The following DDX59 variants were observed in gnomAD, a reference collection of about 807,000 sequenced individuals.
The protein encoded by DDX59 is DEAD-box helicase 59, also known as probable ATP-dependent RNA helicase DDX59.
DDX59 carries 30 observed loss-of-function variants against 51.9 expected under a neutral mutation model. The ratio of observed to expected loss-of-function variants is 0.58; its 90% CI spans 0.43 to 0.78. The LOEUF (loss-of-function observed/expected upper bound fraction) is 0.78, where lower values mean the gene tolerates loss of function less well. Among genes scored for constraint, DDX59 ranks in the 30% least tolerant of loss-of-function variants. The pLI, the probability that DDX59 is intolerant of heterozygous loss-of-function variation, is 0.00. For missense variants in DDX59, 672 were observed against 730.8 expected, an observed-to-expected ratio of 0.92 and a Z score of 0.93; for synonymous variants, 255 against 253.3, an observed-to-expected ratio of 1.01 and a Z score of -0.06.
intron 7 of DDX59, among the ~76,000 whole-genome samples, chr1:200,647,185 A>G (rs1285178469): frequency 2.0e-5 from 3 of 152,230 alleles, no homozygotes; most frequent in Non-Finnish European, 4.4e-5. Flanking sequence ...CTTTACTTGA[A>G]GAGTTTGTAA....
At chr1:200,651,010 TATTA>T (rs2102860030) in intron 4 of DDX59, among the ~76,000 whole-genome samples, 1 of 152,134 alleles carries the variant, frequency 6.6e-6, no homozygotes, top group East Asian at 1.9e-4. Context: ...GAAAGCCCTT[TATTA>T]AATAATGAAT....
chr1:200,645,683 G>C (rs947488808), intron 7 of DDX59, among the ~76,000 whole-genome samples: 6 of 152,088 alleles, frequency 3.9e-5, no homozygotes, highest in African/African-American at 1.4e-4. Context: ...TCAAAAGAGG[G>C]GGAAAATACA....
At chr1:200,663,126 T>A (rs1254382565) in intron 3 of DDX59, among the ~76,000 whole-genome samples, 2 of 152,120 alleles carry the variant, frequency 1.3e-5, no homozygotes, top group African/African-American at 4.8e-5. Flanking sequence ...CTGGTACTGC[T>A]GCCCCAGCCC....
At position 200,668,798 on chromosome 1, in the gene DDX59, C is replaced by T. The variant is rs113641262; in HGVS notation, c.-12+969G>A. ...CTCTCTAAAGTCTATCTAAGAGCTT[C>T]CTCTGCACAATAAAACTTGGTCTCC... On this transcript the variant is annotated intron_variant, in intron 1 of 7. Transcript: ENST00000331314. Among the ~76,000 whole-genome samples the T allele has an allele frequency of 5.7e-3, 873 of 152,334 alleles. 7 individuals are homozygous for T. The highest frequency in any genetic ancestry group is 0.02 in the African/African-American group (829 of 41,564).
At chr1:200,651,731 G>A (rs774104219) in intron 4 of DDX59, among the ~76,000 whole-genome samples, 2 of 152,082 alleles carry the variant, frequency 1.3e-5, no homozygotes, top group Non-Finnish European at 2.9e-5. Flanking sequence ...GCTGCCAGCC[G>A]GGCACGGTGG....
intron 4 of DDX59, 25 bp from the exon 5 acceptor site, chr1:200,650,701 A>T: frequency 6.4e-7 from 1 of 1,560,696 alleles, no homozygotes. Flanking sequence ...TATTAAAGTT[A>T]GTCTTGTTTG....
At chr1:200,641,784 C>T (rs930266010), downstream of DDX59, among the ~76,000 whole-genome samples, 1 of 152,046 alleles carries the variant, frequency 6.6e-6, no homozygotes, top group African/African-American at 2.4e-5. Context: ...GTGGGTGGAT[C>T]ACTAGGTCAA....
At chr1:200,652,007 CAAAAA>C (rs71135375) in intron 4 of DDX59, among the ~76,000 whole-genome samples, 2 of 82,894 alleles carry the variant, frequency 2.4e-5, no homozygotes, top group Admixed American at 1.2e-4. Context: ...GCCTCCGTCT[CAAAAA>C]AAAAAAAAAA....
chr1:200,669,900 AGCG>A lies in DDX59; in HGVS notation c.-148_-146del. 3.0e-5 allele frequency: 1 copy of A among 33,052 alleles called. No homozygotes were observed. Among genetic ancestry groups the A allele is most frequent in the Non-Finnish European group, 7.7e-5 (1 of 12,936 alleles). 2.0% of individuals were successfully genotyped at this position (33,052 alleles called of 1,614,324 possible). A position where few individuals can be genotyped will look rare whatever the true frequency, so the allele number is the denominator to read the frequency against. ...CTGCGGCCCGGGGTTGGTGGTGCGGAGCGGAGCGGAGCGGAGCGTAGAGTAGAA... is the reference window on the plus strand; with the variant it reads ...CTGCGGCCCGGGGTTGGTGGTGCGGAGAGCGGAGCGGAGCGTAGAGTAGAA... On this transcript the variant is annotated 5_prime_UTR_variant, in exon 1 of 8. Coordinates refer to ENST00000331314, the MANE Select transcript of DDX59 (RefSeq NM_001031725.6).
At chr1:200,650,793 T>C (rs900870880) in intron 4 of DDX59, 117 bp from the exon 5 acceptor site, 8 of 895,970 alleles carry the variant, frequency 8.9e-6, no homozygotes, top group Non-Finnish European at 1.3e-5. Flanking sequence ...TAGAAAACTA[T>C]ACCACAATGT....
Position 200,666,672 on chromosome 1 carries a change from CT to C in DDX59, c.68del (p.Lys23ArgfsTer2). On this transcript the variant is annotated frameshift_variant, in exon 2 of 8. Transcript: ENST00000331314. LOFTEE classifies it high-confidence loss of function. ...ANDDGKSCVA[K>X]IIKPDPEDLQ... ...GGTCTTCTGGGTCTGGTTTAATTAT[CT>C]TAGCCACACAACTTTTGCCATCATC... 3.7e-6 allele frequency: 6 copies of C among 1,614,188 alleles called. No individual in the cohort carries two copies. Among genetic ancestry groups the C allele is most frequent in the Non-Finnish European group, 5.1e-6 (6 of 1,180,016 alleles).
downstream of DDX59, among the ~76,000 whole-genome samples, chr1:200,642,193 T>C (rs772537111): frequency 7.2e-5 from 11 of 152,296 alleles, no homozygotes; most frequent in South Asian, 1.7e-3. Flanking sequence ...AGTATTTTTA[T>C]AATATAGTTA....
At chr1:200,649,250 A>T in intron 5 of DDX59, 24 bp from the exon 6 acceptor site, 1 of 1,539,232 alleles carries the variant, frequency 6.5e-7, no homozygotes. Flanking sequence ...AACATATATC[A>T]AAAATTATTC....
intron 4 of DDX59, among the ~76,000 whole-genome samples, chr1:200,653,800 G>C (rs1269133740): frequency 6.6e-6 from 1 of 152,046 alleles, no homozygotes; most frequent in Non-Finnish European, 1.5e-5. Context: ...ATGGATCTCC[G>C]CATGACCAGC....
chr1:200,668,533 G>A (rs1228359871), intron 1 of DDX59, among the ~76,000 whole-genome samples: 1 of 152,094 alleles, frequency 6.6e-6, no homozygotes, highest in Non-Finnish European at 1.5e-5. Context: ...TGTATATCGT[G>A]ACTTACTTTC....
chr1:200,665,442 C>T (rs1662657248), intron 2 of DDX59, among the ~76,000 whole-genome samples: 1 of 148,640 alleles, frequency 6.7e-6, no homozygotes, highest in Non-Finnish European at 1.5e-5. Flanking sequence ...GAGATTGTGC[C>T]ATTGCACTCC....
intron 5 of DDX59, among the ~76,000 whole-genome samples, chr1:200,649,842 A>G (rs1661539283): frequency 6.7e-6 from 1 of 149,294 alleles, no homozygotes; most frequent in Non-Finnish European, 1.5e-5. Flanking sequence ...TTAACTTAAT[A>G]CTTTTTTTTT....
chr1:200,649,821 A>G (rs1449060924), intron 5 of DDX59, among the ~76,000 whole-genome samples: 1 of 151,554 alleles, frequency 6.6e-6, no homozygotes, highest in Admixed American at 6.6e-5. Flanking sequence ...CCAAGTCAAT[A>G]CCAACCATAT....
intron 1 of DDX59, among the ~76,000 whole-genome samples, chr1:200,667,810 T>C (rs1433036013): frequency 2.0e-5 from 3 of 152,082 alleles, no homozygotes; most frequent in Non-Finnish European, 4.4e-5. Flanking sequence ...TTGCCTAATA[T>C]ATATATATAC....
Sources: allele counts gnomAD v4.1 joint callset (sites outside exome capture counted in the v4.1 genomes callset), GRCh38; gene constraint gnomAD v4.1.1; transcripts MANE v1.5; gene names NCBI Gene and HGNC (gene_info 2026-07-23, HGNC 2026-07-21).